The following ARRB1 variants were observed in gnomAD, a reference collection of about 807,000 sequenced individuals.
ARRB1 encodes beta-arrestin-1.
In ARRB1, 21 loss-of-function variants were observed where a neutral mutation model predicts 56.8. The observed-to-expected ratio is 0.37, with a 90% CI of 0.26 to 0.53. The LOEUF is 0.53. Among genes scored for constraint, ARRB1 ranks in the 20% least tolerant of loss-of-function variants. ARRB1 has a pLI of 0.88. For synonymous variants in ARRB1, 210 were observed against 218.6 expected, an observed-to-expected ratio of 0.96 and a Z score of 0.35; for missense variants, 424 against 553.7, an observed-to-expected ratio of 0.77 and a Z score of 2.35.
intron 1 of ARRB1, among the ~76,000 whole-genome samples, chr11:75,338,521 C>T (rs887955048): frequency 4.6e-5 from 7 of 152,166 alleles, no homozygotes; most frequent in Admixed American, 3.9e-4. Context: ...GAGGCCAGAG[C>T]CTCAGTGTAC....
At chr11:75,293,441 G>C (rs1946654287) in intron 1 of ARRB1, among the ~76,000 whole-genome samples, 1 of 152,252 alleles carries the variant, frequency 6.6e-6, no homozygotes, top group Admixed American at 6.5e-5. Context: ...AGAGGCCCCT[G>C]TGAGGATGCT....
At chr11:75,277,059 A>C (rs553551271) in intron 9 of ARRB1, 148 bp from the exon 10 acceptor site, 314 of 748,332 alleles carry the variant, frequency 4.2e-4, no homozygotes, top group Non-Finnish European at 5.9e-4. Flanking sequence ...CCCCTGTCTT[A>C]CATCCAAAGG....
intron 1 of ARRB1, among the ~76,000 whole-genome samples, chr11:75,309,551 C>T (rs1403470064): frequency 6.6e-6 from 1 of 152,170 alleles, no homozygotes; most frequent in Non-Finnish European, 1.5e-5. Context: ...CCACAGCAAG[C>T]GGACCCACTG....
chr11:75,288,655 G>A (rs1318532276), intron 2 of ARRB1, among the ~76,000 whole-genome samples: 4 of 143,622 alleles, frequency 2.8e-5, no homozygotes, highest in African/African-American at 5.2e-5. Flanking sequence ...TCCCTCTGTC[G>A]CCCAGGCTGG....
intron 1 of ARRB1, among the ~76,000 whole-genome samples, chr11:75,307,236 C>T (rs571415857): frequency 5.9e-5 from 9 of 152,228 alleles, no homozygotes; most frequent in East Asian, 1.9e-4. Flanking sequence ...AATCAGGGAG[C>T]GGAAGGGGTC....
chr11:75,318,657 C>A (rs1390060572), intron 1 of ARRB1, among the ~76,000 whole-genome samples: 2 of 151,900 alleles, frequency 1.3e-5, no homozygotes, highest in African/African-American at 4.8e-5. Context: ...GCCACTGCAC[C>A]CTAGCCTGGG....
chr11:75,318,418 G>A (rs902051193), intron 1 of ARRB1, among the ~76,000 whole-genome samples: 11 of 152,084 alleles, frequency 7.2e-5, no homozygotes, highest in African/African-American at 2.7e-4. Context: ...GGCTGGGCAC[G>A]GTGGCTCATG....
intron 1 of ARRB1, chr11:75,312,097 C>T (rs750345861): frequency 2.0e-5 from 26 of 1,289,472 alleles, no homozygotes; most frequent in South Asian, 1.2e-5. Context: ...CTTCCATGGC[C>T]TCTCCTCTCC....
At chr11:75,278,577 C>G (rs746783181) in intron 8 of ARRB1, 32 bp downstream of exon 8, 48 of 1,613,152 alleles carry the variant, frequency 3.0e-5, no homozygotes, top group Non-Finnish European at 4.0e-5. Context: ...GGTGGAGCAG[C>G]CCCCACCCCC....
At chr11:75,313,502 G>C (rs1947206750) in intron 1 of ARRB1, among the ~76,000 whole-genome samples, 1 of 152,226 alleles carries the variant, frequency 6.6e-6, no homozygotes, top group South Asian at 2.1e-4. Context: ...TAAGGCTGAG[G>C]ACAAGAGAGA....
At chr11:75,306,579 A>ATT (rs1244907163) in intron 1 of ARRB1, 1 of 1,287,206 alleles carries the variant, frequency 7.8e-7, no homozygotes, top group African/African-American at 1.5e-5. Context: ...GAGCCCAAAG[A>ATT]TTCAGTGGAG....
rs565484102 is a variant in ARRB1, at chr11:75,264,434, G to A, written c.*1729C>T. 1.3e-5 allele frequency: 2 copies of A among 152,234 alleles called. No homozygotes were observed. Among genetic ancestry groups the A allele is most frequent in the African/African-American group, 4.8e-5 (2 of 41,440 alleles). The allele number at this position is 152,234 out of a possible 1,614,324, so 9.4% of individuals were successfully genotyped here. A position where few individuals can be genotyped will look rare whatever the true frequency, so the allele number is the denominator to read the frequency against. On this transcript the variant is annotated 3_prime_UTR_variant, in exon 16 of 16. Coordinates refer to ENST00000420843, the MANE Select transcript of ARRB1 (RefSeq NM_004041.5). ...AACCTCAGGGTGTCTGTGCCCACAG[G>A]GGGCTGTGAGGTACTGCAAGCCCTA... is the stretch of plus-strand genomic sequence containing the variant.
At chr11:75,294,558 AAAATAAATAAAT>A (rs201799600) in intron 1 of ARRB1, among the ~76,000 whole-genome samples, 27,684 of 133,048 alleles carry the variant, frequency 0.21, 3,358 homozygotes, top group African/African-American at 0.34. Context: ...CTCCGTCTCA[AAAATAAATAAAT>A]AAATAAATAA....
At chr11:75,320,326 G>GGAAAGGAGGAGGAATGA (rs1170919362) in intron 1 of ARRB1, among the ~76,000 whole-genome samples, 1 of 152,158 alleles carries the variant, frequency 6.6e-6, no homozygotes. Flanking sequence ...GCAAGCAGGA[G>GGAAAGGAGGAGGAATGA]GAAAGGAGGA....
intron 5 of ARRB1, among the ~76,000 whole-genome samples, chr11:75,282,319 C>T (rs567309089): frequency 3.3e-5 from 5 of 152,334 alleles, no homozygotes; most frequent in South Asian, 2.1e-4. Flanking sequence ...ACACCCTAAT[C>T]GCCCAAACCT....
chr11:75,266,922 G>T (rs1254396564), intron 15 of ARRB1, among the ~76,000 whole-genome samples: 1 of 152,200 alleles, frequency 6.6e-6, no homozygotes, highest in East Asian at 1.9e-4. Flanking sequence ...GGAGGCTTGA[G>T]TGGGGTTTCA....
chr11:75,290,866 A>T lies in ARRB1; in HGVS notation c.21-827T>A, dbSNP rs140877759. Among the ~76,000 whole-genome samples, 745 of 152,234 alleles carry T rather than the reference A, an allele frequency of 4.9e-3. 3 individuals are homozygous for T. Among genetic ancestry groups the T allele is most frequent in the Middle Eastern group, 0.024 (7 of 294 alleles). ...GCGATCTGCCCACCTCGACTTCCCAAAGTGCTGAGATTACAGGCGTGAGCC... is the reference window on the plus strand; with the variant it reads ...GCGATCTGCCCACCTCGACTTCCCATAGTGCTGAGATTACAGGCGTGAGCC... On this transcript the variant is annotated intron_variant, in intron 1 of 15. Coordinates refer to ENST00000420843, the MANE Select transcript of ARRB1 (RefSeq NM_004041.5).
chr11:75,343,926 C>T (rs1947729542), intron 1 of ARRB1, among the ~76,000 whole-genome samples: 1 of 152,138 alleles, frequency 6.6e-6, no homozygotes, highest in East Asian at 1.9e-4. Flanking sequence ...TGCTATTCTC[C>T]TGCCTCAGCC....
chr11:75,267,817 G>T, intron 14 of ARRB1, 114 bp from the exon 15 acceptor site: 1 of 848,300 alleles, frequency 1.2e-6, no homozygotes, highest in Non-Finnish European at 1.9e-6. Context: ...GAAGGGCAAA[G>T]GATAAAGGGG....
Sources: gnomAD v4.1 joint callset for allele counts (sites outside exome capture counted in the v4.1 genomes callset) on GRCh38, gnomAD v4.1.1 for gene constraint, MANE v1.5 for transcripts, NCBI Gene and HGNC (gene_info 2026-07-23, HGNC 2026-07-21) for gene names.